The following SDC2 variants were observed in gnomAD, a reference collection of about 807,000 sequenced individuals.
SDC2 encodes the protein syndecan-2.
A neutral mutation model predicts 22.2 loss-of-function variants in SDC2; 13 were observed. The observed-to-expected ratio is 0.59, with a 90% CI of 0.38 to 0.93. SDC2 has a LOEUF of 0.93. Among genes scored for constraint, SDC2 ranks in the 40% least tolerant of loss-of-function variants. The pLI is 0.00. For missense variants in SDC2, 235 were observed against 246.8 expected, an observed-to-expected ratio of 0.95 and a Z score of 0.32; for synonymous variants, 94 against 92.8, an observed-to-expected ratio of 1.01 and a Z score of -0.07.
rs1813713216 is a variant in SDC2 at position 96,534,131 on chromosome 8, C to T, written c.60+39800C>T. ...CGGGGCCTGCCGAGCCCACGCCCACCTGGAACTCACTCTGACCTGCAAGCG... is the reference window on the plus strand; with the variant it reads ...CGGGGCCTGCCGAGCCCACGCCCACTTGGAACTCACTCTGACCTGCAAGCG... On this transcript the variant is annotated intron_variant, in intron 1 of 4. Coordinates refer to ENST00000302190, the MANE Select transcript of SDC2 (RefSeq NM_002998.4). 4.6e-5 allele frequency among the ~76,000 whole-genome samples: 7 copies of T among 152,340 alleles called. No homozygotes were observed. The South Asian group carries it at 1.4e-3, about 32-fold the overall frequency.
chr8:96,496,474 TCTTTCTAAATAG>T (rs1813076680), intron 1 of SDC2, among the ~76,000 whole-genome samples: 1 of 152,234 alleles, frequency 6.6e-6, no homozygotes, highest in Non-Finnish European at 1.5e-5. Context: ...AGTGAGTCAG[TCTTTCTAAATAG>T]AAGCTGTTTC....
At chr8:96,574,578 A>G (rs1318242546) in intron 1 of SDC2, among the ~76,000 whole-genome samples, 1 of 152,126 alleles carries the variant, frequency 6.6e-6, no homozygotes, top group African/African-American at 2.4e-5. Flanking sequence ...CAAAATCTCC[A>G]TTAGCTGAAA....
chr8:96,555,816 G>A (rs1312598284), intron 1 of SDC2, among the ~76,000 whole-genome samples: 1 of 152,148 alleles, frequency 6.6e-6, no homozygotes, highest in African/African-American at 2.4e-5. Flanking sequence ...CTGGGTGCCA[G>A]ATGAGTGCAA....
intron 1 of SDC2, among the ~76,000 whole-genome samples, chr8:96,569,355 A>C (rs1384346450): frequency 1.3e-5 from 2 of 152,094 alleles, no homozygotes; most frequent in African/African-American, 4.8e-5. Flanking sequence ...TTCCTCCATG[A>C]AATGCCTTCC....
intron 1 of SDC2, among the ~76,000 whole-genome samples, chr8:96,552,823 T>TC (rs1347885153): frequency 6.6e-6 from 1 of 152,172 alleles, no homozygotes; most frequent in African/African-American, 2.4e-5. Context: ...CTACTTCCCC[T>TC]CCCCCAGGTT....
At chr8:96,543,259 C>A (rs1034663581) in intron 1 of SDC2, among the ~76,000 whole-genome samples, 7 of 152,102 alleles carry the variant, frequency 4.6e-5, no homozygotes, top group Non-Finnish European at 1.0e-4. Flanking sequence ...CTTTAATGTA[C>A]AAATATGTGT....
intron 1 of SDC2, among the ~76,000 whole-genome samples, chr8:96,495,304 G>C (rs940440425): frequency 6.6e-6 from 1 of 152,210 alleles, no homozygotes; most frequent in Non-Finnish European, 1.5e-5. Flanking sequence ...CCCCGCCCTG[G>C]CGGTGGGAAC....
chr8:96,545,193 A>G (rs1813911991), intron 1 of SDC2, among the ~76,000 whole-genome samples: 1 of 152,176 alleles, frequency 6.6e-6, no homozygotes, highest in Non-Finnish European at 1.5e-5. Flanking sequence ...GAAATATTTT[A>G]GAGGGTTTTT....
chr8:96,496,812 C>T (rs1813084090), intron 1 of SDC2, among the ~76,000 whole-genome samples: 1 of 152,158 alleles, frequency 6.6e-6, no homozygotes, highest in South Asian at 2.1e-4. Flanking sequence ...CTCAAAACTG[C>T]CTATGAAAAG....
intron 1 of SDC2, among the ~76,000 whole-genome samples, chr8:96,548,038 C>T (rs1813964222): frequency 6.6e-6 from 1 of 152,234 alleles, no homozygotes; most frequent in Non-Finnish European, 1.5e-5. Flanking sequence ...GCTGGGATTA[C>T]AGGCGTGAGC....
intron 1 of SDC2, among the ~76,000 whole-genome samples, chr8:96,573,508 A>G (rs1814437546): frequency 6.6e-6 from 1 of 152,020 alleles, no homozygotes. Context: ...AAGTGATAAC[A>G]GCACCTGACA....
intron 1 of SDC2, among the ~76,000 whole-genome samples, chr8:96,534,141 C>T (rs1011329648): frequency 6.6e-6 from 1 of 152,206 alleles, no homozygotes; most frequent in African/African-American, 2.4e-5. Flanking sequence ...CTGGAACTCA[C>T]TCTGACCTGC....
intron 1 of SDC2, among the ~76,000 whole-genome samples, chr8:96,516,017 A>G (rs553993470): frequency 6.6e-6 from 1 of 152,148 alleles, no homozygotes; most frequent in African/African-American, 2.4e-5. Context: ...CTTTGCCCCA[A>G]GTACTGTTGT....
intron 1 of SDC2, among the ~76,000 whole-genome samples, chr8:96,498,785 T>C (rs148116788): frequency 1.3e-5 from 2 of 152,156 alleles, no homozygotes; most frequent in African/African-American, 4.8e-5. Context: ...CCACTATGCC[T>C]GGCCATTGGT....
chr8:96,598,940 CTTT>C (rs567223016), intron 2 of SDC2, among the ~76,000 whole-genome samples: 5 of 127,448 alleles, frequency 3.9e-5, no homozygotes, highest in Non-Finnish European at 1.6e-5. Context: ...CTGTCTCTAT[CTTT>C]TTTTTTTTTT....
At chr8:96,574,860 C>T (rs1814459609) in intron 1 of SDC2, among the ~76,000 whole-genome samples, 1 of 152,172 alleles carries the variant, frequency 6.6e-6, no homozygotes. Flanking sequence ...TAGGGACTGG[C>T]TTTGTGAAAG....
intron 1 of SDC2, among the ~76,000 whole-genome samples, chr8:96,523,576 TATTATA>T (rs1217826014): frequency 3.9e-5 from 6 of 152,180 alleles, no homozygotes; most frequent in Non-Finnish European, 8.8e-5. Context: ...ATTGGCCCAC[TATTATA>T]ATTATTCAGT....
chr8:96,602,581 C>G, intron 3 of SDC2, 53 bp downstream of exon 3: 1 of 1,590,194 alleles, frequency 6.3e-7, no homozygotes, highest in Non-Finnish European at 8.6e-7. Context: ...AAATGCTTCA[C>G]TTTACTGACT....
intron 1 of SDC2, chr8:96,529,213 A>C (rs1563649954): frequency 1.3e-5 from 2 of 152,344 alleles, no homozygotes; most frequent in South Asian, 2.1e-4. Context: ...TACATGGAAG[A>C]GGAGATAATT....
Sources: gnomAD v4.1 joint callset for allele counts (sites outside exome capture counted in the v4.1 genomes callset) on GRCh38, gnomAD v4.1.1 for gene constraint, MANE v1.5 for transcripts, NCBI Gene and HGNC (gene_info 2026-07-23, HGNC 2026-07-21) for gene names.